The following PCDHA11 variants were observed in gnomAD, a reference collection of about 807,000 sequenced individuals.
The protein encoded by PCDHA11 is protocadherin alpha-11.
PCDHA11 carries 61 observed loss-of-function variants against 70.3 expected under a neutral mutation model. The observed-to-expected ratio is 0.87, with a 90% CI of 0.71 to 1.07. The LOEUF (loss-of-function observed/expected upper bound fraction) is 1.07. Among genes scored for constraint, PCDHA11 ranks in the 50% least tolerant of loss-of-function variants. The pLI is 0.00. For synonymous variants in PCDHA11, 633 were observed against 555.1 expected, an observed-to-expected ratio of 1.14 and a Z score of -1.97; for missense variants, 1,324 against 1,237.5, an observed-to-expected ratio of 1.07 and a Z score of -1.05.
At chr5:140,992,999 C>G (rs1254110475) in intron 3 of PCDHA11, among the ~76,000 whole-genome samples, 4 of 152,188 alleles carry the variant, frequency 2.6e-5, no homozygotes, top group African/African-American at 9.7e-5. Flanking sequence ...CATGAAAGAG[C>G]CTCCCCAGAG....
At chr5:140,902,208 T>TC (rs1462936622) in intron 1 of PCDHA11, among the ~76,000 whole-genome samples, 2 of 149,762 alleles carry the variant, frequency 1.3e-5, no homozygotes, top group East Asian at 3.9e-4. Flanking sequence ...TCTTTCTTTT[T>TC]TTTTTTTTTT....
At chr5:140,984,581 C>G (rs141574202) in intron 3 of PCDHA11, among the ~76,000 whole-genome samples, 5 of 152,158 alleles carry the variant, frequency 3.3e-5, no homozygotes, top group African/African-American at 1.2e-4. Context: ...GCAACCTAAT[C>G]ATACTTTTCA....
At chr5:140,997,142 G>A (rs1038632915) in intron 3 of PCDHA11, among the ~76,000 whole-genome samples, 40 of 151,426 alleles carry the variant, frequency 2.6e-4, no homozygotes, top group African/African-American at 2.7e-4. Flanking sequence ...CCACACCCCC[G>A]CCACAGTGAC....
chr5:140,886,453 A>G (rs1047264611), intron 1 of PCDHA11, among the ~76,000 whole-genome samples: 1 of 152,140 alleles, frequency 6.6e-6, no homozygotes, highest in Non-Finnish European at 1.5e-5. Flanking sequence ...TAATTTTGTC[A>G]TATATAAATG....
chr5:140,890,772 C>T (rs2062796545), intron 1 of PCDHA11, among the ~76,000 whole-genome samples: 1 of 152,118 alleles, frequency 6.6e-6, no homozygotes, highest in South Asian at 2.1e-4. Context: ...TATTTTAAAA[C>T]CCCATAAGAT....
intron 3 of PCDHA11, among the ~76,000 whole-genome samples, chr5:141,007,101 A>T (rs1412645072): frequency 6.6e-5 from 10 of 152,188 alleles, no homozygotes; most frequent in African/African-American, 1.7e-4. Flanking sequence ...TCTAGGGCCA[A>T]ACCCAAGGAA....
intron 1 of PCDHA11, among the ~76,000 whole-genome samples, chr5:140,921,213 G>A (rs759293646): frequency 1.3e-5 from 2 of 151,378 alleles, no homozygotes; most frequent in East Asian, 1.9e-4. Context: ...GATAATTCAC[G>A]TCTTTTTTGC....
At chr5:140,906,158 C>G (rs1186216636) in intron 1 of PCDHA11, among the ~76,000 whole-genome samples, 1 of 152,140 alleles carries the variant, frequency 6.6e-6, no homozygotes, top group East Asian at 1.9e-4. Context: ...CACAGACACA[C>G]CCAGGAACAA....
chr5:140,929,681 A>C, intron 1 of PCDHA11: 1 of 302,408 alleles, frequency 3.3e-6, no homozygotes. Flanking sequence ...AAAAATATGT[A>C]AGAGTCTGCT....
chr5:140,906,262 A>AAT (rs2072503500), intron 1 of PCDHA11, among the ~76,000 whole-genome samples: 2 of 152,306 alleles, frequency 1.3e-5, no homozygotes, highest in African/African-American at 4.8e-5. Flanking sequence ...CACCTCCTGA[A>AAT]ATTATAGATA....
chr5:140,966,385 G>C (rs1486179807), intron 1 of PCDHA11: 1 of 405,050 alleles, frequency 2.5e-6, no homozygotes, highest in East Asian at 3.6e-5. Flanking sequence ...CGGGTTCGCT[G>C]TCCGCCACTT....
intron 1 of PCDHA11, among the ~76,000 whole-genome samples, chr5:140,952,645 G>A (rs1396823510): frequency 6.6e-6 from 1 of 152,082 alleles, no homozygotes; most frequent in Non-Finnish European, 1.5e-5. Context: ...ACCTGTGCCT[G>A]GTTACCCAGT....
chr5:140,993,528 A>G (rs78672098), intron 3 of PCDHA11, among the ~76,000 whole-genome samples: 1 of 151,976 alleles, frequency 6.6e-6, no homozygotes, highest in Admixed American at 6.6e-5. Context: ...AGAGACAGAG[A>G]GAGAGAGAGA....
At chr5:141,003,668 A>G (rs1353003376) in intron 3 of PCDHA11, among the ~76,000 whole-genome samples, 1 of 152,196 alleles carries the variant, frequency 6.6e-6, no homozygotes, top group Non-Finnish European at 1.5e-5. Context: ...ATTAAAATAT[A>G]TGTTGTTCTG....
intron 1 of PCDHA11, among the ~76,000 whole-genome samples, chr5:140,948,492 A>G (rs915795889): frequency 4.0e-5 from 6 of 151,594 alleles, no homozygotes; most frequent in Non-Finnish European, 8.9e-5. Flanking sequence ...AATTTCTTTC[A>G]TAGACTTTCT....
chr5:140,939,551 G>A (rs2092410878), intron 1 of PCDHA11, among the ~76,000 whole-genome samples: 1 of 151,156 alleles, frequency 6.6e-6, no homozygotes, highest in African/African-American at 2.5e-5. Flanking sequence ...ATTTCTTGTT[G>A]TATTAGTTTG....
intron 1 of PCDHA11, among the ~76,000 whole-genome samples, chr5:140,886,844 A>C (rs11748231): frequency 2.0e-5 from 3 of 150,634 alleles, no homozygotes; most frequent in African/African-American, 7.3e-5. Flanking sequence ...AAAAAAAAAA[A>C]AAAGAAAGGT....
At chr5:140,936,681 T>G (rs781812048) in intron 1 of PCDHA11, among the ~76,000 whole-genome samples, 3 of 152,246 alleles carry the variant, frequency 2.0e-5, no homozygotes, top group African/African-American at 2.4e-5. Flanking sequence ...CTATTCTGTT[T>G]CATTGGTCAA....
At chr5:140,927,889 G>T (rs1554205185) in intron 1 of PCDHA11, 1 of 1,614,226 alleles carries the variant, frequency 6.2e-7, no homozygotes, top group Non-Finnish European at 8.5e-7. Context: ...GGTGACTGAC[G>T]TGAACGATCA....
Sources: gnomAD v4.1 joint callset for allele counts (sites outside exome capture counted in the v4.1 genomes callset) on GRCh38, gnomAD v4.1.1 for gene constraint, MANE v1.5 for transcripts, NCBI Gene and HGNC (gene_info 2026-07-23, HGNC 2026-07-21) for gene names.